Variants in SNX24 observed in about 807,000 individuals in gnomAD.
SNX24 encodes sorting nexin-24.
In SNX24, 22 loss-of-function variants were observed where a neutral mutation model predicts 28.7. The observed-to-expected ratio is 0.77, with a 90% CI of 0.55 to 1.10. The LOEUF is 1.10. SNX24 is among the 50% of genes least tolerant of loss of function. SNX24 has a pLI of 0.00. For synonymous variants in SNX24, 69 were observed against 71.5 expected (o/e 0.96, Z 0.18); for missense variants, 221 against 201.1 (o/e 1.10, Z -0.60).
At chr5:122,979,683 G>A (rs1337292666) in intron 3 of SNX24, among the ~76,000 whole-genome samples, 2 of 152,168 alleles carry the variant, frequency 1.3e-5, no homozygotes, top group Non-Finnish European at 1.5e-5. Context: ...TTAAGCATGT[G>A]ATATTTGAAG....
intron 2 of SNX24, among the ~76,000 whole-genome samples, chr5:122,937,290 CAG>C (rs1177805429): frequency 6.6e-6 from 1 of 152,126 alleles, no homozygotes; most frequent in Non-Finnish European, 1.5e-5. Context: ...TATTCAAAGA[CAG>C]GGGAACACAA....
chr5:122,888,495 T>C (rs1469847943), intron 1 of SNX24, among the ~76,000 whole-genome samples: 1 of 152,224 alleles, frequency 6.6e-6, no homozygotes, highest in Non-Finnish European at 1.5e-5. Context: ...ATTTTGATGA[T>C]TTCAATAAGT....
At chr5:122,910,204 G>T (rs1035427627) in intron 1 of SNX24, among the ~76,000 whole-genome samples, 1 of 152,112 alleles carries the variant, frequency 6.6e-6, no homozygotes, top group African/African-American at 2.4e-5. Flanking sequence ...TGGTGTTCAG[G>T]GTTTGTATGC....
chr5:122,934,802 TATAAA>T (rs1759112825), intron 1 of SNX24, among the ~76,000 whole-genome samples: 1 of 152,216 alleles, frequency 6.6e-6, no homozygotes, highest in African/African-American at 2.4e-5. Context: ...ACTGTAACAT[TATAAA>T]ATATAAGAAT....
chr5:123,024,133 A>AT, intron 5 of SNX24: 1 of 521,086 alleles, frequency 1.9e-6, no homozygotes, highest in East Asian at 3.4e-5. Context: ...TTGGTTTTTT[A>AT]TGACTACTAA....
chr5:122,905,060 C>A (rs1757591153), intron 1 of SNX24, among the ~76,000 whole-genome samples: 4 of 152,180 alleles, frequency 2.6e-5, no homozygotes, highest in Admixed American at 2.6e-4. Context: ...TCCTTAATGT[C>A]CTCAGTGAAA....
intron 1 of SNX24, among the ~76,000 whole-genome samples, chr5:122,861,533 A>G (rs1755461797): frequency 6.6e-6 from 1 of 152,072 alleles, no homozygotes; most frequent in African/African-American, 2.4e-5. Context: ...ATTTCATTTG[A>G]TTTGGGAAAA....
intron 5 of SNX24, among the ~76,000 whole-genome samples, chr5:123,018,298 C>T (rs1240921404): frequency 2.0e-5 from 3 of 152,120 alleles, no homozygotes; most frequent in African/African-American, 7.2e-5. Context: ...CTCCTTTACC[C>T]TGGACAGTTT....
At chr5:122,959,898 G>T (rs1327989068) in intron 3 of SNX24, among the ~76,000 whole-genome samples, 1 of 151,946 alleles carries the variant, frequency 6.6e-6, no homozygotes, top group African/African-American at 2.4e-5. Context: ...AATGACATGG[G>T]GTTTACTAAA....
intron 2 of SNX24, 140 bp downstream of exon 2, chr5:122,936,957 C>A: frequency 2.1e-6 from 1 of 467,202 alleles, no homozygotes; most frequent in Non-Finnish European, 3.9e-6. Context: ...AAGTAAATTT[C>A]TTTTTGGAAT....
chr5:122,994,810 GTCAT>G (rs1314320202), intron 3 of SNX24, among the ~76,000 whole-genome samples: 1 of 152,104 alleles, frequency 6.6e-6, no homozygotes, highest in Non-Finnish European at 1.5e-5. Flanking sequence ...TTTAGAGAAA[GTCAT>G]TTATTCTTAC....
intron 1 of SNX24, among the ~76,000 whole-genome samples, chr5:122,897,623 A>C (rs1010029094): frequency 7.3e-5 from 11 of 151,482 alleles, no homozygotes; most frequent in African/African-American, 2.4e-4. Flanking sequence ...TTGTAAAAAC[A>C]AAAAAAAATT....
At chr5:123,006,255 C>A (rs997296980) in intron 6 of SNX24, among the ~76,000 whole-genome samples, 2 of 152,198 alleles carry the variant, frequency 1.3e-5, no homozygotes, top group African/African-American at 4.8e-5. Flanking sequence ...TGATGATCTT[C>A]TATTTTACTC....
chr5:122,870,773 G>A (rs965987469), intron 1 of SNX24, among the ~76,000 whole-genome samples: 20 of 152,272 alleles, frequency 1.3e-4, no homozygotes, highest in African/African-American at 4.8e-4. Context: ...TCAGGTGTTA[G>A]CACCACTTCA....
At chr5:122,991,090 T>C (rs1453263410) in intron 3 of SNX24, among the ~76,000 whole-genome samples, 1 of 152,100 alleles carries the variant, frequency 6.6e-6, no homozygotes, top group African/African-American at 2.4e-5. Context: ...AGAGACAGAG[T>C]TTCACCATGT....
intron 3 of SNX24, among the ~76,000 whole-genome samples, chr5:122,971,717 C>A (rs1246218281): frequency 1.3e-5 from 2 of 152,132 alleles, no homozygotes; most frequent in African/African-American, 4.8e-5. Context: ...TGTATACTTG[C>A]ACAAACATGT....
chr5:123,019,447 C>T lies in SNX24; in HGVS notation n.384-9791C>T, dbSNP rs943238430. The stretch of plus-strand genomic sequence containing the variant: ...GCCATGTTTTTGTCTTTATGTAACT[C>T]AAAACGGCTAAACTAAGAAATGAGG... On this transcript the variant is annotated intron_variant and non_coding_transcript_variant, in intron 5 of 5. Coordinates refer to the SNX24 transcript ENST00000502387. Among the ~76,000 whole-genome samples, 3 of 152,252 alleles carry T rather than the reference C, an allele frequency of 2.0e-5. No individual in the cohort carries two copies. The South Asian group carries it at 6.2e-4, about 32-fold the overall frequency.
chr5:122,907,114 C>G (rs1757676006), intron 1 of SNX24, among the ~76,000 whole-genome samples: 1 of 152,166 alleles, frequency 6.6e-6, no homozygotes, highest in South Asian at 2.1e-4. Context: ...TCTCCAAGAA[C>G]TTTAACTTGG....
chr5:122,962,413 A>G (rs1221444520), intron 3 of SNX24, among the ~76,000 whole-genome samples: 2 of 152,224 alleles, frequency 1.3e-5, no homozygotes, highest in Non-Finnish European at 2.9e-5. Context: ...TCACCTTTAA[A>G]TGATATGTAC....
Sources: gnomAD v4.1 joint callset for allele counts (sites outside exome capture counted in the v4.1 genomes callset) on GRCh38, gnomAD v4.1.1 for gene constraint, MANE v1.5 for transcripts, NCBI Gene and HGNC (gene_info 2026-07-23, HGNC 2026-07-21) for gene names.